The following HS6ST3 variants were observed in gnomAD, a reference collection of about 807,000 sequenced individuals.
The protein encoded by HS6ST3 is heparan sulfate 6-O-sulfotransferase 3, also known as heparan-sulfate 6-O-sulfotransferase 3.
HS6ST3 carries 12 observed loss-of-function variants against 36.7 expected under a neutral mutation model. That is an observed-to-expected ratio of 0.33 (90% confidence interval 0.21 to 0.53). The LOEUF is 0.53. Ranked by LOEUF, HS6ST3 falls within the 20% of genes least tolerant of loss-of-function variation. The probability of loss-of-function intolerance (pLI) is 0.95; values close to 1 mark genes in which losing one functional copy is unlikely to be tolerated. For synonymous variants in HS6ST3, 240 were observed against 257.5 expected (o/e 0.93, Z 0.65); for missense variants, 584 against 640.9 (o/e 0.91, Z 0.96).
chr13:96,800,220 C>G (rs1846995815), intron 1 of HS6ST3, among the ~76,000 whole-genome samples: 3 of 150,404 alleles, frequency 2.0e-5, no homozygotes, highest in Admixed American at 1.3e-4. Flanking sequence ...GCAGAGAAAG[C>G]AAAATGCTTG....
At chr13:96,704,279 T>A (rs1044071850) in intron 1 of HS6ST3, among the ~76,000 whole-genome samples, 3 of 152,182 alleles carry the variant, frequency 2.0e-5, no homozygotes, top group African/African-American at 7.2e-5. Flanking sequence ...AGTGTCTGTC[T>A]CCTGTTTCTA....
intron 1 of HS6ST3, among the ~76,000 whole-genome samples, chr13:96,516,063 CTTTT>C (rs1298327274): frequency 7.1e-6 from 1 of 140,292 alleles, no homozygotes; most frequent in Non-Finnish European, 1.6e-5. Context: ...ACAGCATTAA[CTTTT>C]TTTTTTTTTT....
intron 1 of HS6ST3, among the ~76,000 whole-genome samples, chr13:96,324,198 T>A (rs1448589969): frequency 6.6e-6 from 1 of 152,140 alleles, no homozygotes; most frequent in Non-Finnish European, 1.5e-5. Flanking sequence ...CCTTTAAACA[T>A]CTCCAAAAAC....
chr13:96,829,445 C>T (rs1878722756), intron 1 of HS6ST3, among the ~76,000 whole-genome samples: 1 of 151,816 alleles, frequency 6.6e-6, no homozygotes, highest in African/African-American at 2.4e-5. Flanking sequence ...AAGCCTAGTA[C>T]CCATTAGTAA....
chr13:96,148,143 A>G (rs2054066977), intron 1 of HS6ST3, among the ~76,000 whole-genome samples: 1 of 152,156 alleles, frequency 6.6e-6, no homozygotes, highest in Admixed American at 6.5e-5. Flanking sequence ...TTATTTAGAA[A>G]TTTGGTGTTG....
chr13:96,751,566 A>T (rs1336628431), intron 1 of HS6ST3, among the ~76,000 whole-genome samples: 2 of 152,138 alleles, frequency 1.3e-5, no homozygotes, highest in Non-Finnish European at 2.9e-5. Context: ...GTAATTTGTT[A>T]TGGCAGTCCT....
At chr13:96,266,867 C>G (rs1022308431) in intron 1 of HS6ST3, among the ~76,000 whole-genome samples, 12 of 152,140 alleles carry the variant, frequency 7.9e-5, no homozygotes, top group Non-Finnish European at 1.8e-4. Context: ...TACCTGCCTC[C>G]AAGGAATGGT....
chr13:96,111,877 T>C (rs575995720), intron 1 of HS6ST3, among the ~76,000 whole-genome samples: 1 of 152,296 alleles, frequency 6.6e-6, no homozygotes, highest in South Asian at 2.1e-4. Flanking sequence ...ACAAATGTTT[T>C]CTGAATGGAA....
At chr13:96,511,814 T>C (rs1380424301) in intron 1 of HS6ST3, among the ~76,000 whole-genome samples, 3 of 152,198 alleles carry the variant, frequency 2.0e-5, no homozygotes, top group Non-Finnish European at 4.4e-5. Flanking sequence ...GTTATGACAA[T>C]CTTTTCCATC....
intron 1 of HS6ST3, among the ~76,000 whole-genome samples, chr13:96,650,019 A>G (rs1424652858): frequency 2.0e-5 from 3 of 151,728 alleles, no homozygotes; most frequent in African/African-American, 7.3e-5. Flanking sequence ...CTAAAGACTC[A>G]CTTGGCTAAT....
At chr13:96,569,232 A>G (rs982010718) in intron 1 of HS6ST3, among the ~76,000 whole-genome samples, 2 of 152,248 alleles carry the variant, frequency 1.3e-5, no homozygotes, top group African/African-American at 4.8e-5. Context: ...ATAATGTGAC[A>G]GAAAGAAGTT....
intron 1 of HS6ST3, among the ~76,000 whole-genome samples, chr13:96,316,942 C>G (rs559334188): frequency 6.6e-6 from 1 of 152,060 alleles, no homozygotes; most frequent in Admixed American, 6.6e-5. Context: ...CTGAAAATAG[C>G]ACAGTGTTGA....
chr13:96,679,625 T>C (rs2056711408), intron 1 of HS6ST3, among the ~76,000 whole-genome samples: 1 of 152,150 alleles, frequency 6.6e-6, no homozygotes, highest in South Asian at 2.1e-4. Flanking sequence ...CTGCAGCTGC[T>C]TTCTGGTCTT....
chr13:96,684,115 C>A (rs1407161093), intron 1 of HS6ST3, among the ~76,000 whole-genome samples: 2 of 152,016 alleles, frequency 1.3e-5, no homozygotes, highest in Non-Finnish European at 2.9e-5. Context: ...ATATGCATTG[C>A]CCCAATAACT....
intron 1 of HS6ST3, among the ~76,000 whole-genome samples, chr13:96,452,205 A>G (rs1262395482): frequency 6.6e-6 from 1 of 152,206 alleles, no homozygotes; most frequent in Non-Finnish European, 1.5e-5. Flanking sequence ...CATAACCCTC[A>G]GCACATCTAT....
intron 1 of HS6ST3, among the ~76,000 whole-genome samples, chr13:96,599,374 G>A (rs894431595): frequency 1.3e-5 from 2 of 151,914 alleles, no homozygotes; most frequent in Non-Finnish European, 1.5e-5. Flanking sequence ...TTGGAAGATC[G>A]CATGTTCCCA....
chr13:96,209,559 T>G (rs1042121522), intron 1 of HS6ST3, among the ~76,000 whole-genome samples: 1 of 152,200 alleles, frequency 6.6e-6, no homozygotes, highest in Non-Finnish European at 1.5e-5. Context: ...GATACCTTTT[T>G]GGGAGAATTT....
At chr13:96,739,285 G>A (rs1285902076) in intron 1 of HS6ST3, among the ~76,000 whole-genome samples, 1 of 149,282 alleles carries the variant, frequency 6.7e-6, no homozygotes, top group Non-Finnish European at 1.5e-5. Flanking sequence ...GTGTTGGAGT[G>A]GGGGATTCTC....
rs78039076 is a variant in HS6ST3, at chr13:96,166,334, A to G, written c.707+74765A>G. On this transcript the variant is annotated intron_variant, in intron 1 of 1. Coordinates refer to ENST00000376705, the MANE Select transcript of HS6ST3 (RefSeq NM_153456.4). ...ATACTGCTCTGACCCCTTGGTTCCTACTGTAGCCCATCAGCTCACTGATAC... is the reference window on the plus strand; with the variant it reads ...ATACTGCTCTGACCCCTTGGTTCCTGCTGTAGCCCATCAGCTCACTGATAC... 9.5e-4 allele frequency among the ~76,000 whole-genome samples: 144 copies of G among 152,162 alleles called. No individual in the cohort carries two copies. In the East Asian group the frequency reaches 0.024, roughly 26 times the overall value.
Sources: allele counts gnomAD v4.1 joint callset (sites outside exome capture counted in the v4.1 genomes callset), GRCh38; gene constraint gnomAD v4.1.1; transcripts MANE v1.5; gene names NCBI Gene and HGNC (gene_info 2026-07-23, HGNC 2026-07-21).